OSBPL9: variants seen among roughly 807,000 people sequenced by gnomAD.
OSBPL9 encodes the protein oxysterol binding protein like 9, also known as oxysterol-binding protein-related protein 9.
A neutral mutation model predicts 106.6 loss-of-function variants in OSBPL9; 40 were observed. The ratio of observed to expected loss-of-function variants is 0.38; its 90% confidence interval spans 0.29 to 0.49. OSBPL9 has a LOEUF of 0.49. Ranked by LOEUF, OSBPL9 falls within the 20% of genes least tolerant of loss-of-function variation. OSBPL9 has a pLI of 0.97. For missense variants in OSBPL9, 609 were observed against 887.2 expected, an observed-to-expected ratio of 0.69 and a Z score of 3.98; for synonymous variants, 269 against 295.4, an observed-to-expected ratio of 0.91 and a Z score of 0.92.
At chr1:51,608,857 G>A (rs1643966718) in intron 2 of OSBPL9, among the ~76,000 whole-genome samples, 2 of 150,852 alleles carry the variant, frequency 1.3e-5, no homozygotes, top group South Asian at 4.2e-4. Context: ...GAATTGCTGG[G>A]GGAAAAAAAA....
chr1:51,788,856 A>G lies in OSBPL9; in HGVS notation c.*1067A>G, dbSNP rs2149177751. ...CAGAACTATATCTATCTATCTATCT[A>G]TCATCTTTTTTATTTAAAAATACAT... On this transcript the variant is annotated 3_prime_UTR_variant, in exon 24 of 24. Coordinates refer to ENST00000428468, the MANE Select transcript of OSBPL9 (RefSeq NM_024586.6). 1.3e-5 allele frequency among the ~76,000 whole-genome samples: 2 copies of G among 149,482 alleles called. No individual in the cohort carries two copies. The highest frequency in any genetic ancestry group is 1.3e-4 in the Admixed American group (2 of 15,002).
At chr1:51,705,405 T>A (rs796928349) in intron 3 of OSBPL9, among the ~76,000 whole-genome samples, 42 of 84,128 alleles carry the variant, frequency 5.0e-4, no homozygotes, top group Middle Eastern at 6.1e-3. Flanking sequence ...ATATATTTTT[T>A]TTTTTTTTTT....
chr1:51,549,917 A>G, the OSBPL9 span, among the ~76,000 whole-genome samples: 2 of 152,200 alleles, frequency 1.3e-5, no homozygotes, highest in East Asian at 1.9e-4. Flanking sequence ...ATTCAATAGT[A>G]ATAGATATTC....
chr1:51,748,752 A>G (rs1668566305), intron 7 of OSBPL9, among the ~76,000 whole-genome samples: 1 of 151,946 alleles, frequency 6.6e-6, no homozygotes, highest in South Asian at 2.1e-4. Context: ...CCAGGTCTCA[A>G]CTCCTGGGCT....
Position 51,766,081 on chromosome 1 carries a change from GTTA to G in OSBPL9, c.938+106_938+108del, listed in dbSNP as rs1298126453. On this transcript the variant is annotated intron_variant, in intron 12 of 23. Transcript: ENST00000428468. ...TGTTAATGACAGACTTGCCTCATCA[GTTA>G]TTATTTGGGAAAATTAAAAGGGCAA... 22 of 1,195,686 alleles carry G rather than the reference GTTA, an allele frequency of 1.8e-5. No homozygotes were observed. In the South Asian group the frequency reaches 1.9e-4, roughly 10 times the overall value. 74.1% of individuals were successfully genotyped at this position (1,195,686 alleles called of 1,614,324 possible).
chr1:51,593,604 C>T (rs773961541), intron 1 of OSBPL9, among the ~76,000 whole-genome samples: 8 of 152,170 alleles, frequency 5.3e-5, no homozygotes, highest in East Asian at 1.9e-4. Flanking sequence ...TCCTTCGAAA[C>T]ATTGCTTAAG....
At chr1:51,521,979 A>G in the OSBPL9 span, among the ~76,000 whole-genome samples, 76 of 151,874 alleles carry the variant, frequency 5.0e-4, 1 homozygote, top group African/African-American at 1.7e-3. Context: ...CTGGTCTCGA[A>G]CTCCTGACCT....
chr1:51,694,461 T>C (rs926690921), intron 3 of OSBPL9, among the ~76,000 whole-genome samples: 12 of 152,220 alleles, frequency 7.9e-5, no homozygotes, highest in African/African-American at 2.9e-4. Context: ...TTAATAGCCT[T>C]TTTAGATAAC....
chr1:51,631,511 A>T (rs1645105173), intron 1 of OSBPL9, among the ~76,000 whole-genome samples: 1 of 152,106 alleles, frequency 6.6e-6, no homozygotes, highest in South Asian at 2.1e-4. Context: ...ACTGCATTCC[A>T]GCCTAGGCAA....
intron 3 of OSBPL9, among the ~76,000 whole-genome samples, chr1:51,673,526 A>C (rs948924097): frequency 6.6e-6 from 1 of 152,230 alleles, no homozygotes; most frequent in Middle Eastern, 3.2e-3. Context: ...GAGTTGCTGG[A>C]TCAGTGTCCT....
chr1:51,666,747 T>C (rs1281782409), intron 2 of OSBPL9, among the ~76,000 whole-genome samples: 4 of 152,294 alleles, frequency 2.6e-5, no homozygotes, highest in Admixed American at 2.6e-4. Context: ...TGGGTGACGA[T>C]AGTGGAAATG....
At position 51,714,201 on chromosome 1, in the gene OSBPL9, G is replaced by GT. The variant is rs1330976663; in HGVS notation, c.318+124dup. On this transcript the variant is annotated intron_variant, in intron 4 of 23. Coordinates refer to ENST00000428468, the MANE Select transcript of OSBPL9 (RefSeq NM_024586.6). ...TGTAATAGGAACTTATAATTTCTGA[G>GT]TTGCTTATTTTTCCTTTACAGTTAT... is the stretch of plus-strand genomic sequence containing the variant. 35 of 647,634 alleles carry GT rather than the reference G, an allele frequency of 5.4e-5. No homozygotes were observed. The Admixed American group carries it at 1.2e-3, about 23-fold the overall frequency. 40.1% of individuals were successfully genotyped at this position (647,634 alleles called of 1,614,324 possible). A position where few individuals can be genotyped will look rare whatever the true frequency, so the allele number is the denominator to read the frequency against.
At chr1:51,665,585 G>A (rs963838162) in intron 2 of OSBPL9, among the ~76,000 whole-genome samples, 1 of 152,156 alleles carries the variant, frequency 6.6e-6, no homozygotes, top group African/African-American at 2.4e-5. Flanking sequence ...TAGCAATGTA[G>A]TTCATTTGAG....
At chr1:51,689,722 C>T (rs1654570174) in intron 3 of OSBPL9, among the ~76,000 whole-genome samples, 1 of 152,170 alleles carries the variant, frequency 6.6e-6, no homozygotes, top group African/African-American at 2.4e-5. Context: ...TGGTAACCTA[C>T]CACCTCCTAA....
chr1:51,632,848 T>C (rs1645192913), intron 1 of OSBPL9, among the ~76,000 whole-genome samples: 1 of 152,218 alleles, frequency 6.6e-6, no homozygotes, highest in Non-Finnish European at 1.5e-5. Context: ...CCTCTGTGAC[T>C]AGTTAAAATG....
chr1:51,711,428 C>T (rs1364712579), intron 3 of OSBPL9, among the ~76,000 whole-genome samples: 57 of 142,838 alleles, frequency 4.0e-4, no homozygotes, highest in Non-Finnish European at 5.6e-4. Context: ...AGGCGCCCCT[C>T]ACCTCCTGGA....
At chr1:51,752,819 G>A in intron 8 of OSBPL9, 1 of 254,202 alleles carries the variant, frequency 3.9e-6, no homozygotes, top group South Asian at 4.5e-5. Flanking sequence ...TTGAATCAGG[G>A]CCCCACCCTT....
At chr1:51,626,480 A>G (rs899481735) in intron 1 of OSBPL9, among the ~76,000 whole-genome samples, 2 of 152,008 alleles carry the variant, frequency 1.3e-5, no homozygotes, top group Non-Finnish European at 2.9e-5. Flanking sequence ...ATCATTTTAT[A>G]CAGACATTTT....
In OSBPL9 at chr1:51,608,633, C is replaced by T. The variant is rs368775719; in HGVS notation, c.-352-5672C>T. On this transcript the variant is annotated intron_variant, in intron 2 of 25. Coordinates refer to the OSBPL9 transcript ENST00000371714. ...TGATTATTTTAGAGAGATAGTTTAA[C>T]AATCTCCTGACCATCATCTGATGGT... is the stretch of plus-strand genomic sequence containing the variant. 1.3e-3 allele frequency among the ~76,000 whole-genome samples: 196 copies of T among 151,442 alleles called. 8 individuals are homozygous for T. In the South Asian group the frequency reaches 0.039, roughly 30 times the overall value.
Sources: gnomAD v4.1 joint callset for allele counts (sites outside exome capture counted in the v4.1 genomes callset) on GRCh38, gnomAD v4.1.1 for gene constraint, MANE v1.5 for transcripts, NCBI Gene and HGNC (gene_info 2026-07-23, HGNC 2026-07-21) for gene names.